Variants in RNF217 observed in about 807,000 individuals in gnomAD.
RNF217 encodes the protein ring finger protein 217, also known as E3 ubiquitin-protein ligase RNF217.
In RNF217, 31 loss-of-function variants were observed where a neutral mutation model predicts 57.8. The ratio of observed to expected loss-of-function variants is 0.54; its 90% CI spans 0.40 to 0.72. The LOEUF is 0.72. Among genes scored for constraint, RNF217 ranks in the 30% least tolerant of loss-of-function variants. The pLI is 0.00. For missense variants in RNF217, 696 were observed against 708.3 expected, an observed-to-expected ratio of 0.98 and a Z score of 0.20; for synonymous variants, 313 against 294.0, an observed-to-expected ratio of 1.06 and a Z score of -0.66.
chr6:124,985,931 G>T (rs1346955808), intron 1 of RNF217, among the ~76,000 whole-genome samples: 1 of 152,086 alleles, frequency 6.6e-6, no homozygotes, highest in Non-Finnish European at 1.5e-5. Context: ...GCAAATAAGT[G>T]CTGCAAAGAT....
At chr6:125,028,392 C>A (rs1786202888) in intron 1 of RNF217, among the ~76,000 whole-genome samples, 1 of 152,020 alleles carries the variant, frequency 6.6e-6, no homozygotes, top group Admixed American at 6.6e-5. Context: ...CTATTCAAAT[C>A]TTTTGCCCAT....
intron 1 of RNF217, among the ~76,000 whole-genome samples, chr6:125,035,571 T>C (rs1435050523): frequency 6.6e-6 from 1 of 152,234 alleles, no homozygotes; most frequent in Admixed American, 6.5e-5. Context: ...ACAAAACTTG[T>C]CATTCATGTG....
intron 1 of RNF217, among the ~76,000 whole-genome samples, chr6:125,006,514 A>T (rs180843401): frequency 1.1e-3 from 163 of 152,396 alleles, no homozygotes; most frequent in Non-Finnish European, 1.6e-3. Context: ...TTTATTTAAC[A>T]TACATTTTCA....
chr6:125,058,253 A>C (rs980586972), intron 3 of RNF217, 147 bp downstream of exon 3: 10 of 682,968 alleles, frequency 1.5e-5, no homozygotes, highest in Non-Finnish European at 1.9e-5. Context: ...AAGTAATTAT[A>C]TAATTAAACT....
chr6:125,045,527 G>A, intron 2 of RNF217, 83 bp downstream of exon 2: 2 of 972,430 alleles, frequency 2.1e-6, no homozygotes, highest in Non-Finnish European at 3.1e-6. Context: ...GGGCATTAAG[G>A]GGGCATCTTT....
At chr6:125,057,153 AGTTT>A (rs1309118902) in intron 2 of RNF217, among the ~76,000 whole-genome samples, 3 of 152,254 alleles carry the variant, frequency 2.0e-5, no homozygotes, top group Non-Finnish European at 2.9e-5. Flanking sequence ...CTGTTCTAGC[AGTTT>A]GTTTGTTACT....
chr6:124,976,785 G>A (rs1357851686), intron 1 of RNF217, among the ~76,000 whole-genome samples: 1 of 152,222 alleles, frequency 6.6e-6, no homozygotes, highest in Non-Finnish European at 1.5e-5. Context: ...GATTACAGGT[G>A]TGAGCCAATG....
rs187380271 is a variant in RNF217 at position 125,022,381 on chromosome 6, A to G, written c.883-22830A>G. Among the ~76,000 whole-genome samples, 189 of 152,368 alleles carry G rather than the reference A, an allele frequency of 1.2e-3. 1 individual carries two copies. The highest frequency in any genetic ancestry group is 4.3e-3 in the African/African-American group (178 of 41,596). ...TTTGAAAATTAACACATTAACAAAA[A>G]TAAGTAACAATTAATGTTCTTTCAC... On this transcript the variant is annotated intron_variant, in intron 1 of 5. Coordinates refer to ENST00000521654, the MANE Select transcript of RNF217 (RefSeq NM_001286398.3).
chr6:125,047,563 G>A (rs1830651), intron 2 of RNF217, among the ~76,000 whole-genome samples: 47,509 of 151,918 alleles, frequency 0.31, 8,252 homozygotes, highest in East Asian at 0.38. Context: ...GGGGCAAATG[G>A]ACCAACATCT....
intron 2 of RNF217, chr6:125,048,304 C>T (rs768772374): frequency 6.2e-5 from 80 of 1,297,842 alleles, no homozygotes; most frequent in Non-Finnish European, 8.0e-5. Context: ...TTCAGTTTCC[C>T]TAATAAAATA....
Position 125,089,801 on chromosome 6 carries a change from C to T in RNF217, c.*6864C>T, listed in dbSNP as rs1432731725. On this transcript the variant is annotated 3_prime_UTR_variant, in exon 6 of 6. Transcript: ENST00000521654. ...GCCATGCCCCAGCTTGGGAAATATTCTTAGTAATCCAATCAAATCCTTAAA... is the reference window on the plus strand; with the variant it reads ...GCCATGCCCCAGCTTGGGAAATATTTTTAGTAATCCAATCAAATCCTTAAA... The T allele has an allele frequency of 2.0e-5, 3 of 152,078 alleles. No homozygotes were observed. Among genetic ancestry groups the T allele is most frequent in the Non-Finnish European group, 4.4e-5 (3 of 67,998 alleles). The allele number at this position is 152,078 out of a possible 1,614,324, so 9.4% of individuals were successfully genotyped here. A position where few individuals can be genotyped will look rare whatever the true frequency, so the allele number is the denominator to read the frequency against.
At chr6:124,973,673 C>A (rs1483874159) in intron 1 of RNF217, among the ~76,000 whole-genome samples, 1 of 152,186 alleles carries the variant, frequency 6.6e-6, no homozygotes, top group African/African-American at 2.4e-5. Context: ...GCAGAAACCC[C>A]AATGACTTGC....
rs145330926 is a variant in RNF217 at position 124,978,364 on chromosome 6, G to A, written c.882+14938G>A. ...CCCCAGACCAGATCCTGTGCCCACC[G>A]TGGCTCTGCGCTCAGCCCATGGATC... On this transcript the variant is annotated intron_variant, in intron 1 of 5. Coordinates refer to ENST00000521654, the MANE Select transcript of RNF217 (RefSeq NM_001286398.3). Among the ~76,000 whole-genome samples the A allele has an allele frequency of 1.6e-4, 25 of 151,694 alleles. No individual in the cohort carries two copies. The East Asian group carries it at 2.9e-3, about 18-fold the overall frequency.
intron 1 of RNF217, among the ~76,000 whole-genome samples, chr6:124,986,073 A>T (rs868087380): frequency 6.6e-6 from 1 of 152,168 alleles, no homozygotes; most frequent in East Asian, 1.9e-4. Flanking sequence ...GCCTTTTAAA[A>T]TGAATTCTAG....
chr6:125,072,390 A>G (rs1409450962), intron 3 of RNF217, among the ~76,000 whole-genome samples: 1 of 152,200 alleles, frequency 6.6e-6, no homozygotes, highest in Non-Finnish European at 1.5e-5. Flanking sequence ...CCCAAAATGT[A>G]CAAGGTTACT....
Position 125,091,712 on chromosome 6 carries a change from T to C in RNF217, c.*8775T>C, listed in dbSNP as rs1453316640. On this transcript the variant is annotated 3_prime_UTR_variant, in exon 6 of 6. Transcript: ENST00000521654. ...AAAAAGCATTAAAAATAAAAGTAAC[T>C]GTATGGTACTTCAGGAATTTGACCA... 1 of 152,184 alleles carries C rather than the reference T, an allele frequency of 6.6e-6. No homozygotes were observed. The highest frequency in any genetic ancestry group is 1.5e-5 in the Non-Finnish European group (1 of 68,008). The allele number at this position is 152,184 out of a possible 1,614,324, so 9.4% of individuals were successfully genotyped here.
intron 2 of RNF217, among the ~76,000 whole-genome samples, chr6:125,046,924 T>C (rs1447142377): frequency 6.6e-6 from 1 of 152,094 alleles, no homozygotes; most frequent in Non-Finnish European, 1.5e-5. Flanking sequence ...TTCTCTTCTA[T>C]AAAAAGCATT....
In RNF217 at chr6:125,090,735, AAAGT is replaced by A. The variant is rs1788914112; in HGVS notation, c.*7803_*7806del. 6.6e-6 allele frequency: 1 copy of A among 151,954 alleles called. No homozygotes were observed. Among genetic ancestry groups the A allele is most frequent in the Non-Finnish European group, 1.5e-5 (1 of 67,904 alleles). 9.4% of individuals were successfully genotyped at this position (151,954 alleles called of 1,614,324 possible). A position where few individuals can be genotyped will look rare whatever the true frequency, so the allele number is the denominator to read the frequency against. On this transcript the variant is annotated 3_prime_UTR_variant, in exon 6 of 6. Transcript: ENST00000521654. ...TAAAATTTGCAGCCATTTTCCAAATAAAGTAAGTTATAATATTTTTCAAGTTTAA... is the reference window on the plus strand; with the variant it reads ...TAAAATTTGCAGCCATTTTCCAAATAAAGTTATAATATTTTTCAAGTTTAA...
chr6:125,021,523 C>T (rs1785838275), intron 1 of RNF217, among the ~76,000 whole-genome samples: 1 of 152,108 alleles, frequency 6.6e-6, no homozygotes, highest in South Asian at 2.1e-4. Flanking sequence ...CCTCGGCCTC[C>T]CAAAGTGCTG....
Sources: gnomAD v4.1 joint callset for allele counts (sites outside exome capture counted in the v4.1 genomes callset) on GRCh38, gnomAD v4.1.1 for gene constraint, MANE v1.5 for transcripts, NCBI Gene and HGNC (gene_info 2026-07-23, HGNC 2026-07-21) for gene names.